Variants in PTPRD observed in about 807,000 individuals in gnomAD.
PTPRD encodes the protein receptor-type tyrosine-protein phosphatase delta.
A neutral mutation model predicts 214.5 loss-of-function variants in PTPRD; 34 were observed. The observed-to-expected ratio is 0.16, with a 90% CI of 0.12 to 0.21. The LOEUF is 0.21. Ranked by LOEUF, PTPRD falls within the 10% of genes least tolerant of loss-of-function variation. The pLI is 1.00. For missense variants in PTPRD, 2,545 were observed against 2,398.7 expected, an observed-to-expected ratio of 1.06 and a Z score of -1.27; for synonymous variants, 1,128 against 845.7, an observed-to-expected ratio of 1.33 and a Z score of -5.79.
intron 3 of PTPRD, among the ~76,000 whole-genome samples, chr9:10,143,370 A>G (rs1056440938): frequency 6.6e-6 from 1 of 152,144 alleles, no homozygotes; most frequent in Non-Finnish European, 1.5e-5. Context: ...ATCATCTTAC[A>G]CCAGTTAGAA....
chr9:10,505,884 A>G, intron 2 of PTPRD, among the ~76,000 whole-genome samples: 1 of 152,190 alleles, frequency 6.6e-6, no homozygotes, highest in South Asian at 2.1e-4. Context: ...TTTTAATTAG[A>G]TATATCAATA....
At chr9:9,304,174 C>A (rs4742583) in intron 9 of PTPRD, among the ~76,000 whole-genome samples, 108,850 of 151,960 alleles carry the variant, frequency 0.72, 39,282 homozygotes, top group African/African-American at 0.78. Flanking sequence ...GAAGTTCCCT[C>A]AACAATAGAT....
At chr9:8,787,277 T>TTTACTCAGCTTCTAG (rs1227762001) in intron 11 of PTPRD, among the ~76,000 whole-genome samples, 8 of 152,176 alleles carry the variant, frequency 5.3e-5, no homozygotes, top group Non-Finnish European at 8.8e-5. Flanking sequence ...AACTTCTAGC[T>TTTACTCAGCTTCTAG]TTACTCAGCT....
chr9:8,896,734 A>G (rs2098616450), intron 11 of PTPRD, among the ~76,000 whole-genome samples: 1 of 152,148 alleles, frequency 6.6e-6, no homozygotes, highest in Non-Finnish European at 1.5e-5. Flanking sequence ...TCCCAGAAAG[A>G]TTATAGATGA....
chr9:8,447,000 G>C (rs2095756938), intron 34 of PTPRD, among the ~76,000 whole-genome samples: 2 of 152,176 alleles, frequency 1.3e-5, no homozygotes, highest in African/African-American at 4.8e-5. Context: ...ATTAACAGCG[G>C]AGTCTATTTC....
At chr9:8,610,653 T>A (rs191069918) in intron 14 of PTPRD, among the ~76,000 whole-genome samples, 2 of 152,238 alleles carry the variant, frequency 1.3e-5, no homozygotes, top group African/African-American at 2.4e-5. Context: ...TACTCATAAA[T>A]ATTCAGTTCA....
chr9:10,376,482 T>C (rs190752891), intron 2 of PTPRD, among the ~76,000 whole-genome samples: 5 of 151,748 alleles, frequency 3.3e-5, no homozygotes, highest in African/African-American at 1.2e-4. Flanking sequence ...AATTTGTAAG[T>C]AGTAAAAATG....
intron 11 of PTPRD, 103 bp from the exon 12 acceptor site, chr9:8,734,049 C>A: frequency 5.1e-6 from 3 of 590,666 alleles, no homozygotes. Context: ...ATGACAGACA[C>A]AATCCATTGT....
At chr9:9,374,684 G>C (rs2060334159) in intron 9 of PTPRD, among the ~76,000 whole-genome samples, 1 of 152,132 alleles carries the variant, frequency 6.6e-6, no homozygotes, top group African/African-American at 2.4e-5. Context: ...AACTCTGACT[G>C]TTCAGAGTAT....
chr9:9,805,755 C>T (rs1331682175), intron 5 of PTPRD, among the ~76,000 whole-genome samples: 1 of 152,042 alleles, frequency 6.6e-6, no homozygotes, highest in African/African-American at 2.4e-5. Flanking sequence ...GAAGAATGAC[C>T]TTTCAAACGT....
chr9:9,488,024 CTA>C (rs1392004557), intron 8 of PTPRD, among the ~76,000 whole-genome samples: 1 of 152,102 alleles, frequency 6.6e-6, no homozygotes, highest in African/African-American at 2.4e-5. Flanking sequence ...TGCCATAAAC[CTA>C]TGAGGTAGAC....
chr9:10,262,185 A>T (rs974570116), intron 3 of PTPRD, among the ~76,000 whole-genome samples: 7 of 148,690 alleles, frequency 4.7e-5, no homozygotes, highest in African/African-American at 7.6e-5. Context: ...AAGAAAAATT[A>T]AAAAAAAATT....
At chr9:9,269,569 C>T (rs1460124010) in intron 9 of PTPRD, among the ~76,000 whole-genome samples, 2 of 151,374 alleles carry the variant, frequency 1.3e-5, no homozygotes, top group African/African-American at 4.8e-5. Flanking sequence ...TTGATCACAG[C>T]ATTTTTTCCA....
chr9:9,268,228 T>G (rs772801012), intron 9 of PTPRD, among the ~76,000 whole-genome samples: 12 of 151,056 alleles, frequency 7.9e-5, no homozygotes, highest in Non-Finnish European at 1.5e-4. Flanking sequence ...GAATGAACTC[T>G]TAAGAAAAGA....
chr9:9,479,519 T>A (rs1281829606), intron 8 of PTPRD, among the ~76,000 whole-genome samples: 5 of 152,160 alleles, frequency 3.3e-5, no homozygotes, highest in Non-Finnish European at 7.4e-5. Flanking sequence ...TAGGCAGTAT[T>A]TCTATGCCAA....
rs576132806 is a variant in PTPRD at position 10,588,097 on chromosome 9, T to C, written c.-600+24301A>G. ...AAAGTGTTTTAGAAAGGGAATAAGA[T>C]GACTGATTTACCAGGCAGACAAATA... On this transcript the variant is annotated intron_variant, in intron 2 of 45. Coordinates refer to ENST00000381196, the MANE Select transcript of PTPRD (RefSeq NM_002839.4). 3.9e-5 allele frequency among the ~76,000 whole-genome samples: 6 copies of C among 152,194 alleles called. No individual in the cohort carries two copies. The South Asian group carries it at 8.3e-4, about 21-fold the overall frequency.
intron 2 of PTPRD, among the ~76,000 whole-genome samples, chr9:10,373,601 T>A (rs532064567): frequency 6.6e-6 from 1 of 152,212 alleles, no homozygotes; most frequent in African/African-American, 2.4e-5. Flanking sequence ...AATAGAAAAT[T>A]GTGTCTCTTA....
At chr9:8,552,114 C>T (rs1012232381) in intron 14 of PTPRD, among the ~76,000 whole-genome samples, 5 of 152,022 alleles carry the variant, frequency 3.3e-5, no homozygotes, top group African/African-American at 7.2e-5. Flanking sequence ...TTTTTTCAGG[C>T]GATGGTCACA....
chr9:8,727,208 C>G (rs1002709364), intron 12 of PTPRD, among the ~76,000 whole-genome samples: 1 of 152,136 alleles, frequency 6.6e-6, no homozygotes, highest in African/African-American at 2.4e-5. Context: ...ACAGGTCACA[C>G]TTTGGAATTG....
Sources: allele counts gnomAD v4.1 joint callset (sites outside exome capture counted in the v4.1 genomes callset), GRCh38; gene constraint gnomAD v4.1.1; transcripts MANE v1.5; gene names NCBI Gene and HGNC (gene_info 2026-07-23, HGNC 2026-07-21).